The following SLC35A1 variants were observed in gnomAD, a reference collection of about 807,000 sequenced individuals.
The protein encoded by SLC35A1 is solute carrier family 35 member A1.
A neutral mutation model predicts 40.3 loss-of-function variants in SLC35A1; 21 were observed. The observed-to-expected ratio is 0.52, with a 90% CI of 0.37 to 0.75. The LOEUF is 0.75. Among genes scored for constraint, SLC35A1 ranks in the 30% least tolerant of loss-of-function variants. The pLI is 0.00. For missense variants in SLC35A1, 297 were observed against 382.1 expected (o/e 0.78, Z 1.86); for synonymous variants, 146 against 147.3 (o/e 0.99, Z 0.06).
At chr6:87,483,038 C>T (rs769301859) in intron 2 of SLC35A1, among the ~76,000 whole-genome samples, 5 of 152,174 alleles carry the variant, frequency 3.3e-5, no homozygotes, top group East Asian at 3.8e-4. Flanking sequence ...CTTGTTTACA[C>T]TGACAACAAG....
chr6:87,500,616 G>C lies in SLC35A1; in HGVS notation c.303G>C (p.Gln101His), dbSNP rs1554166294. The C allele has an allele frequency of 6.2e-7, 1 of 1,614,142 alleles. No homozygotes were observed. Among genetic ancestry groups the C allele is most frequent in the South Asian group, 1.1e-5 (1 of 91,082 alleles). The change falls in exon 3 of 8, where the codon CAG becomes CAC. Residue 101 changes from glutamine to histidine, a missense_variant. Physicochemically the swap from Gln to His is conservative, Grantham distance 24 (BLOSUM62 0). Coordinates refer to ENST00000369552, the MANE Select transcript of SLC35A1 (RefSeq NM_006416.5). ...TGCCATCGTTAGTGTATGCTGTTCAGAACAACATGGCTTTCCTAGCTCTTA... is the reference window on the plus strand; with the variant it reads ...TGCCATCGTTAGTGTATGCTGTTCACAACAACATGGCTTTCCTAGCTCTTA... ...LSVPSLVYAV[Q>H]NNMAFLALSN... is the part of the protein sequence containing the mutation.
At chr6:87,508,784 C>G in intron 6 of SLC35A1, 188 bp downstream of exon 6, 1 of 706,084 alleles carries the variant, frequency 1.4e-6, no homozygotes, top group East Asian at 2.7e-5. Context: ...GATAGCAATG[C>G]CCCAAAATAT....
rs15992 is a variant in SLC35A1 at position 87,501,214 on chromosome 6, C to A, written c.411C>A (p.Asn137Lys). The change falls in exon 4 of 8, where the codon AAC (asparagine) becomes AAA (lysine). Residue 137 changes from asparagine (N) to lysine (K), a missense_variant. By Grantham distance (94) the Asn-to-Lys change is moderately conservative. Coordinates refer to ENST00000369552, the MANE Select transcript of SLC35A1 (RefSeq NM_006416.5). Reference sequence around the variant, plus strand: ...CTTTATGCACTGTTTTAATGTTAAACCGGACACTCAGCAAATTACAGTGGG... The same window carrying A: ...CTTTATGCACTGTTTTAATGTTAAAACGGACACTCAGCAAATTACAGTGGG... ...CTALCTVLML[N>K]RTLSKLQWVS... 1.2e-6 allele frequency: 2 copies of A among 1,613,904 alleles called. No homozygotes were observed. Among genetic ancestry groups the A allele is most frequent in the Non-Finnish European group, 1.7e-6 (2 of 1,179,876 alleles).
chr6:87,490,298 T>G (rs1769509503), intron 2 of SLC35A1, among the ~76,000 whole-genome samples: 1 of 152,034 alleles, frequency 6.6e-6, no homozygotes, highest in South Asian at 2.1e-4. Flanking sequence ...AAATACAGAC[T>G]TGCTTCAGTG....
chr6:87,475,667 G>T (rs1299999384), intron 1 of SLC35A1, among the ~76,000 whole-genome samples: 1 of 152,166 alleles, frequency 6.6e-6, no homozygotes, highest in East Asian at 1.9e-4. Flanking sequence ...TTCCTTGTAA[G>T]ATCCAACCAT....
chr6:87,487,775 A>G (rs960852529), intron 2 of SLC35A1, among the ~76,000 whole-genome samples: 2 of 152,222 alleles, frequency 1.3e-5, no homozygotes, highest in African/African-American at 2.4e-5. Flanking sequence ...AAGCGGAAAC[A>G]AGGCAGAATG....
At chr6:87,473,310 G>C (rs1768972092) in intron 1 of SLC35A1, among the ~76,000 whole-genome samples, 1 of 152,072 alleles carries the variant, frequency 6.6e-6, no homozygotes, top group Non-Finnish European at 1.5e-5. Flanking sequence ...GACAGGCCGG[G>C]GCTGCGGCGG....
chr6:87,491,649 C>T (rs1383945316), intron 2 of SLC35A1, among the ~76,000 whole-genome samples: 1 of 152,128 alleles, frequency 6.6e-6, no homozygotes, highest in African/African-American at 2.4e-5. Context: ...TAATAAAATA[C>T]CATAGACCAG....
At chr6:87,487,596 T>G (rs1769424252) in intron 2 of SLC35A1, among the ~76,000 whole-genome samples, 1 of 152,180 alleles carries the variant, frequency 6.6e-6, no homozygotes, top group Admixed American at 6.5e-5. Context: ...AGCTTATCTA[T>G]CACATGTATT....
intron 2 of SLC35A1, among the ~76,000 whole-genome samples, chr6:87,490,508 A>AT (rs1257937451): frequency 6.6e-6 from 1 of 151,650 alleles, no homozygotes. Flanking sequence ...TAATTTTTGT[A>AT]TTTTTTGTAG....
rs1769108544 is a variant in SLC35A1, at chr6:87,477,465, ACT to A, written c.123_124del (p.Tyr42LeufsTer23). ...GATACACAAGGACATCAGACAAAGA[ACT>A]CTACTTTTCAACCACAGCCGTGTGT... Reference protein sequence around the residue: ...LRYTRTSDKELYFSTTAVCIT... With the variant: ...LRYTRTSDKEXYFSTTAVCIT... On this transcript the variant is annotated frameshift_variant, in exon 2 of 8. Coordinates refer to ENST00000369552, the MANE Select transcript of SLC35A1 (RefSeq NM_006416.5). LOFTEE classifies it high-confidence loss of function. The A allele has an allele frequency of 1.2e-6, 2 of 1,613,838 alleles. No homozygotes were observed. Among genetic ancestry groups the A allele is most frequent in the African/African-American group, 1.3e-5 (1 of 74,866 alleles).
intron 2 of SLC35A1, among the ~76,000 whole-genome samples, chr6:87,478,400 A>G (rs997294921): frequency 1.3e-5 from 2 of 152,176 alleles, no homozygotes; most frequent in Non-Finnish European, 2.9e-5. Flanking sequence ...TTACCAGGGG[A>G]AAGATTTATG....
intron 2 of SLC35A1, among the ~76,000 whole-genome samples, chr6:87,493,193 A>C (rs1157478633): frequency 6.6e-6 from 1 of 152,162 alleles, no homozygotes; most frequent in African/African-American, 2.4e-5. Context: ...TTGATGCTCA[A>C]AATGTCCCAG....
chr6:87,497,621 G>A (rs1270107288), intron 2 of SLC35A1, among the ~76,000 whole-genome samples: 5 of 152,200 alleles, frequency 3.3e-5, no homozygotes, highest in South Asian at 4.1e-4. Flanking sequence ...TGGAGTAGCA[G>A]TTGGATCCTT....
At position 87,478,073 on chromosome 6, in the gene SLC35A1, T is replaced by G. The variant is rs568445464; in HGVS notation, c.194+534T>G. Among the ~76,000 whole-genome samples, 6 of 152,038 alleles carry G rather than the reference T, an allele frequency of 3.9e-5. No homozygotes were observed. In the South Asian group the frequency reaches 1.2e-3, roughly 32 times the overall value. ...TTTTTTGTGTTTTCTCATTTACTTC[T>G]TCCACATTTTCAAGGTAAGTACTTT... On this transcript the variant is annotated intron_variant, in intron 2 of 7. Transcript: ENST00000369552.
chr6:87,503,787 C>T (rs756138018), intron 4 of SLC35A1, among the ~76,000 whole-genome samples: 4 of 152,160 alleles, frequency 2.6e-5, no homozygotes, highest in Non-Finnish European at 4.4e-5. Context: ...GAATTCCCCT[C>T]ATCACTTAAC....
At chr6:87,508,925 C>T in intron 6 of SLC35A1, 116 bp from the exon 7 acceptor site, 1 of 1,114,246 alleles carries the variant, frequency 9.0e-7, no homozygotes, top group Non-Finnish European at 1.4e-6. Flanking sequence ...CTAAGGAAAA[C>T]AGTATTTTCC....
intron 1 of SLC35A1, among the ~76,000 whole-genome samples, chr6:87,473,944 G>A (rs901795706): frequency 3.3e-5 from 5 of 152,198 alleles, no homozygotes; most frequent in African/African-American, 1.2e-4. Flanking sequence ...CCCTGTTGCG[G>A]GGTCCATGTT....
At chr6:87,476,973 C>T (rs1275346152) in intron 1 of SLC35A1, among the ~76,000 whole-genome samples, 1 of 152,050 alleles carries the variant, frequency 6.6e-6, no homozygotes, top group South Asian at 2.1e-4. Context: ...GAGCTGAGAT[C>T]GCGCCACTGT....
Sources: gnomAD v4.1 joint callset for allele counts (sites outside exome capture counted in the v4.1 genomes callset) on GRCh38, gnomAD v4.1.1 for gene constraint, MANE v1.5 for transcripts, NCBI Gene and HGNC (gene_info 2026-07-23, HGNC 2026-07-21) for gene names.